Variants in ZNF423 observed in about 807,000 individuals in gnomAD.
ZNF423 encodes Ebf-associated zinc finger protein.
ZNF423 carries 12 observed loss-of-function variants against 95.8 expected under a neutral mutation model. The ratio of observed to expected loss-of-function variants is 0.13; its 90% CI spans 0.08 to 0.20. ZNF423 has a LOEUF of 0.20. Among genes scored for constraint, ZNF423 ranks in the 10% least tolerant of loss-of-function variants. The pLI is 1.00. For synonymous variants in ZNF423, 749 were observed against 711.9 expected, an observed-to-expected ratio of 1.05 and a Z score of -0.83; for missense variants, 1,316 against 1,737.1, an observed-to-expected ratio of 0.76 and a Z score of 4.31.
At chr16:49,722,877 T>C (rs1194364452) in intron 3 of ZNF423, among the ~76,000 whole-genome samples, 1 of 152,140 alleles carries the variant, frequency 6.6e-6, no homozygotes, top group Non-Finnish European at 1.5e-5. Context: ...TTTTGATCTG[T>C]GCCATTCTGG....
At chr16:49,755,907 GCTA>G (rs1339800420) in intron 2 of ZNF423, among the ~76,000 whole-genome samples, 1 of 152,162 alleles carries the variant, frequency 6.6e-6, no homozygotes, top group Non-Finnish European at 1.5e-5. Context: ...AAGACCCTGT[GCTA>G]GGGACCCGGT....
chr16:49,764,663 G>A (rs964050766), intron 2 of ZNF423: 2 of 152,200 alleles, frequency 1.3e-5, no homozygotes, highest in African/African-American at 4.8e-5. Flanking sequence ...ATGGCTCCAA[G>A]GATCAACCTC....
intron 5 of ZNF423, among the ~76,000 whole-genome samples, chr16:49,625,966 A>G (rs1259627020): frequency 6.6e-6 from 1 of 152,232 alleles, no homozygotes; most frequent in Non-Finnish European, 1.5e-5. Context: ...AAGTTTGATT[A>G]TAATGTGAGT....
chr16:49,561,489 C>T (rs1215922145), intron 5 of ZNF423, among the ~76,000 whole-genome samples: 1 of 152,176 alleles, frequency 6.6e-6, no homozygotes, highest in Non-Finnish European at 1.5e-5. Flanking sequence ...AATCCATAAC[C>T]TCTCTTTATT....
intron 2 of ZNF423, among the ~76,000 whole-genome samples, chr16:49,736,571 G>C (rs1291511040): frequency 1.3e-5 from 2 of 152,226 alleles, no homozygotes; most frequent in African/African-American, 2.4e-5. Context: ...AGGAGGATGA[G>C]ACAGGAGAAC....
upstream of ZNF423, among the ~76,000 whole-genome samples, chr16:49,859,273 C>T (rs2035405454): frequency 6.6e-6 from 1 of 152,020 alleles, no homozygotes; most frequent in African/African-American, 2.4e-5. Context: ...TCCGAAAGGA[C>T]GAGATCCTGG....
chr16:49,625,134 T>C (rs1360108518), intron 5 of ZNF423, among the ~76,000 whole-genome samples: 1 of 152,122 alleles, frequency 6.6e-6, no homozygotes, highest in Non-Finnish European at 1.5e-5. Flanking sequence ...ATCCCAGCAC[T>C]TTGGGAGGCC....
In ZNF423 at chr16:49,746,409, T is replaced by G. The variant is rs181012129; in HGVS notation, c.101-15438A>C. On this transcript the variant is annotated intron_variant, in intron 2 of 7. Transcript: ENST00000563137. The stretch of plus-strand genomic sequence containing the variant: ...AGGTCATAGCCTGGGGTTGCCCTTA[T>G]CAATCACAGTGAAGCACAAACCCAG... Among the ~76,000 whole-genome samples the G allele has an allele frequency of 1.4e-4, 21 of 152,266 alleles. No individual in the cohort carries two copies. The East Asian group carries it at 4.1e-3, about 29-fold the overall frequency.
At chr16:49,507,598 C>A (rs1967696837) in intron 7 of ZNF423, among the ~76,000 whole-genome samples, 1 of 150,990 alleles carries the variant, frequency 6.6e-6, no homozygotes, top group Non-Finnish European at 1.5e-5. Context: ...CTCCTCCGCT[C>A]AAACACTCAA....
chr16:49,554,624 C>T (rs1969760186), intron 5 of ZNF423, among the ~76,000 whole-genome samples: 1 of 151,818 alleles, frequency 6.6e-6, no homozygotes, highest in African/African-American at 2.4e-5. Flanking sequence ...CCTATGGTAT[C>T]ACTTTGGCTA....
chr16:49,817,416 T>C (rs189789555), intron 1 of ZNF423, among the ~76,000 whole-genome samples: 6 of 152,368 alleles, frequency 3.9e-5, no homozygotes, highest in African/African-American at 1.4e-4. Flanking sequence ...GGGCCCATCC[T>C]GGGCTTCCAG....
chr16:49,551,901 G>A (rs1969654341), intron 5 of ZNF423, among the ~76,000 whole-genome samples: 1 of 152,196 alleles, frequency 6.6e-6, no homozygotes, highest in Admixed American at 6.5e-5. Context: ...CTTGTACACT[G>A]TGCAAGTCCT....
intron 2 of ZNF423, among the ~76,000 whole-genome samples, chr16:49,739,966 C>A (rs998809724): frequency 1.3e-5 from 2 of 152,024 alleles, no homozygotes; most frequent in Non-Finnish European, 2.9e-5. Context: ...TCAAGTGATT[C>A]TCTTGCCTCA....
intron 5 of ZNF423, among the ~76,000 whole-genome samples, chr16:49,582,257 C>A (rs1182483903): frequency 6.6e-6 from 1 of 152,320 alleles, no homozygotes; most frequent in East Asian, 1.9e-4. Context: ...CTCTTCTCAT[C>A]CCCCATGGCT....
chr16:49,797,415 C>T (rs557229313), intron 1 of ZNF423, among the ~76,000 whole-genome samples: 1 of 152,348 alleles, frequency 6.6e-6, no homozygotes, highest in Non-Finnish European at 1.5e-5. Flanking sequence ...TGCACAAAAG[C>T]ATAGCCAATC....
At chr16:49,776,328 A>G (rs766312597) in intron 2 of ZNF423, among the ~76,000 whole-genome samples, 12 of 152,180 alleles carry the variant, frequency 7.9e-5, no homozygotes, top group Non-Finnish European at 1.6e-4. Context: ...TGGGGAGGCG[A>G]TGCCCTGCCC....
chr16:49,586,201 C>T (rs1297887500), intron 5 of ZNF423, among the ~76,000 whole-genome samples: 1 of 152,138 alleles, frequency 6.6e-6, no homozygotes, highest in East Asian at 1.9e-4. Flanking sequence ...CAGACCTCTT[C>T]CCGCCTGCGT....
intron 3 of ZNF423, among the ~76,000 whole-genome samples, chr16:49,653,136 C>T (rs1235067927): frequency 6.6e-6 from 1 of 152,010 alleles, no homozygotes; most frequent in Non-Finnish European, 1.5e-5. Context: ...AGCGGCAAAA[C>T]CTCAGGCGGG....
intron 3 of ZNF423, among the ~76,000 whole-genome samples, chr16:49,673,559 C>T (rs2030914470): frequency 6.6e-6 from 1 of 152,240 alleles, no homozygotes; most frequent in Non-Finnish European, 1.5e-5. Context: ...TTAAAGCAGG[C>T]ATCTTTCCTC....
Sources: allele counts gnomAD v4.1 joint callset (sites outside exome capture counted in the v4.1 genomes callset), GRCh38; gene constraint gnomAD v4.1.1; transcripts MANE v1.5; gene names NCBI Gene and HGNC (gene_info 2026-07-23, HGNC 2026-07-21).